RBFOX1: variants seen among roughly 807,000 people sequenced by gnomAD.
RBFOX1 encodes the protein RNA binding protein fox-1 homolog 1.
In RBFOX1, 8 loss-of-function variants were observed where a neutral mutation model predicts 57.7. The observed-to-expected ratio is 0.14, with a 90% CI of 0.08 to 0.25. The LOEUF (loss-of-function observed/expected upper bound fraction) is 0.25. RBFOX1 is among the 10% of genes least tolerant of loss of function. The pLI is 1.00. For missense variants in RBFOX1, 611 were observed against 548.5 expected, an observed-to-expected ratio of 1.11 and a Z score of -1.14; for synonymous variants, 326 against 222.4, an observed-to-expected ratio of 1.47 and a Z score of -4.15.
chr16:7,586,232 C>T (rs1244991435), intron 6 of RBFOX1, among the ~76,000 whole-genome samples: 5 of 152,140 alleles, frequency 3.3e-5, no homozygotes, highest in South Asian at 2.1e-4. Flanking sequence ...CTCAGTTGCT[C>T]GTACTTATGC....
intron 4 of RBFOX1, among the ~76,000 whole-genome samples, chr16:7,175,688 G>A (rs1265472151): frequency 1.3e-5 from 2 of 152,218 alleles, no homozygotes; most frequent in Non-Finnish European, 2.9e-5. Context: ...TACCCTGTCA[G>A]TTCAAGCTTC....
At chr16:7,482,686 C>G (rs1450392718) in intron 4 of RBFOX1, among the ~76,000 whole-genome samples, 1 of 151,608 alleles carries the variant, frequency 6.6e-6, no homozygotes, top group Non-Finnish European at 1.5e-5. Flanking sequence ...GGGAGAGGCT[C>G]CCCTGCTTGC....
intron 1 of RBFOX1, among the ~76,000 whole-genome samples, chr16:6,269,679 A>C (rs2074970752): frequency 6.6e-6 from 1 of 152,240 alleles, no homozygotes; most frequent in Non-Finnish European, 1.5e-5. Flanking sequence ...ACATTTTCAG[A>C]TGAAGAAAAA....
chr16:7,187,761 C>A (rs1048901361), intron 4 of RBFOX1, among the ~76,000 whole-genome samples: 16 of 83,506 alleles, frequency 1.9e-4, no homozygotes, highest in Non-Finnish European at 2.7e-4. Context: ...ATCTTAGAAA[C>A]AAAAATCGCT....
intron 2 of RBFOX1, among the ~76,000 whole-genome samples, chr16:6,503,391 A>G (rs1168659113): frequency 1.3e-5 from 2 of 152,174 alleles, no homozygotes; most frequent in Non-Finnish European, 2.9e-5. Flanking sequence ...TGCTGGTAAC[A>G]AACAATTCCA....
intron 3 of RBFOX1, among the ~76,000 whole-genome samples, chr16:5,616,707 C>A (rs1031930644): frequency 7.4e-6 from 1 of 135,104 alleles, no homozygotes; most frequent in African/African-American, 2.6e-5. Flanking sequence ...TGCTATTGTC[C>A]TCCCCACCTC....
At chr16:7,054,021 C>G (rs138427728) in intron 4 of RBFOX1, among the ~76,000 whole-genome samples, 6 of 151,988 alleles carry the variant, frequency 3.9e-5, no homozygotes, top group African/African-American at 1.4e-4. Context: ...TGGGAGACCC[C>G]TAGTGTGATT....
chr16:5,784,736 T>C (rs1161215609), intron 3 of RBFOX1, among the ~76,000 whole-genome samples: 1 of 152,126 alleles, frequency 6.6e-6, no homozygotes, highest in Admixed American at 6.5e-5. Flanking sequence ...GGTGTCCTTA[T>C]GAATTGGATT....
At chr16:7,400,968 C>T (rs758437688) in intron 4 of RBFOX1, among the ~76,000 whole-genome samples, 10 of 152,212 alleles carry the variant, frequency 6.6e-5, no homozygotes, top group Non-Finnish European at 1.2e-4. Flanking sequence ...ATATGTTACC[C>T]TGCCAACCTT....
chr16:7,077,651 A>G (rs950570301), intron 4 of RBFOX1, among the ~76,000 whole-genome samples: 1 of 152,206 alleles, frequency 6.6e-6, no homozygotes, highest in Non-Finnish European at 1.5e-5. Context: ...ATTAGTAGCA[A>G]CTTACCATAT....
intron 4 of RBFOX1, among the ~76,000 whole-genome samples, chr16:7,420,894 TATAC>T (rs2098534867): frequency 6.8e-6 from 1 of 146,180 alleles, no homozygotes; most frequent in African/African-American, 2.5e-5. Context: ...TATATATATA[TATAC>T]ACACATATAT....
At chr16:6,686,424 C>G (rs566206162) in intron 3 of RBFOX1, among the ~76,000 whole-genome samples, 3 of 152,174 alleles carry the variant, frequency 2.0e-5, no homozygotes, top group African/African-American at 7.2e-5. Flanking sequence ...AACTGCTATG[C>G]GCAGGCCTCC....
chr16:7,247,996 G>GT (rs2094370917), intron 4 of RBFOX1, among the ~76,000 whole-genome samples: 1 of 152,090 alleles, frequency 6.6e-6, no homozygotes, highest in Non-Finnish European at 1.5e-5. Context: ...CATGACACAA[G>GT]TTTACCCAAA....
rs551718030 is a variant in RBFOX1 at position 7,487,930 on chromosome 16, A to G, written c.28-30217A>G. ...TACCAGCGTCCGATAATTTCTGCTC[A>G]GGGATTCCCACTCTTGGAATGGATT... is the stretch of plus-strand genomic sequence containing the variant. On this transcript the variant is annotated intron_variant, in intron 4 of 15. Coordinates refer to ENST00000550418, the MANE Select transcript of RBFOX1 (RefSeq NM_018723.4). 8.2e-4 allele frequency among the ~76,000 whole-genome samples: 125 copies of G among 152,308 alleles called. 2 individuals are homozygous for G. The highest frequency in any genetic ancestry group is 2.8e-3 in the African/African-American group (116 of 41,570).
chr16:5,625,099 G>A (rs954094573), intron 3 of RBFOX1, among the ~76,000 whole-genome samples: 1 of 152,134 alleles, frequency 6.6e-6, no homozygotes, highest in Non-Finnish European at 1.5e-5. Flanking sequence ...CAATGAAATG[G>A]ACCCAGCGTT....
At chr16:7,568,320 C>T (rs2092352644) in intron 5 of RBFOX1, among the ~76,000 whole-genome samples, 1 of 152,156 alleles carries the variant, frequency 6.6e-6, no homozygotes. Context: ...GGGCAATTCC[C>T]AGAACTTAGG....
intron 4 of RBFOX1, among the ~76,000 whole-genome samples, chr16:7,329,199 G>C (rs139945310): frequency 4.6e-5 from 7 of 152,186 alleles, no homozygotes; most frequent in Non-Finnish European, 1.0e-4. Context: ...CCCTGCCCGT[G>C]ATGGGCAGAG....
chr16:7,510,839 G>A (rs1231822739), intron 4 of RBFOX1, among the ~76,000 whole-genome samples: 2 of 152,160 alleles, frequency 1.3e-5, no homozygotes, highest in African/African-American at 2.4e-5. Context: ...TGCAGGAGCC[G>A]CTGCTTTCCT....
intron 2 of RBFOX1, among the ~76,000 whole-genome samples, chr16:6,472,059 A>G (rs181907919): frequency 1.3e-5 from 2 of 152,202 alleles, no homozygotes; most frequent in East Asian, 1.9e-4. Flanking sequence ...CTTTCTCTAT[A>G]TACTGTTTCG....
Sources: allele counts gnomAD v4.1 joint callset (sites outside exome capture counted in the v4.1 genomes callset), GRCh38; gene constraint gnomAD v4.1.1; transcripts MANE v1.5; gene names NCBI Gene and HGNC (gene_info 2026-07-23, HGNC 2026-07-21).